NRG3: variants seen among roughly 807,000 people sequenced by gnomAD.
The protein encoded by NRG3 is neuregulin 3, also known as pro-neuregulin-3, membrane-bound isoform.
Under a neutral mutation model 66.9 loss-of-function variants are expected in NRG3, and 31 were observed. The ratio of observed to expected loss-of-function variants is 0.46; its 90% CI spans 0.35 to 0.63. The LOEUF is 0.63. Among genes scored for constraint, NRG3 ranks in the 20% least tolerant of loss-of-function variants. The pLI is 0.00. For synonymous variants in NRG3, 393 were observed against 359.4 expected, an observed-to-expected ratio of 1.09 and a Z score of -1.06; for missense variants, 910 against 878.9, an observed-to-expected ratio of 1.04 and a Z score of -0.45.
At chr10:82,200,876 A>G (rs967722537) in intron 1 of NRG3, among the ~76,000 whole-genome samples, 1 of 151,860 alleles carries the variant, frequency 6.6e-6, no homozygotes, top group Non-Finnish European at 1.5e-5. Flanking sequence ...ACACTCAGCT[A>G]CTCCAAGTTC....
chr10:81,883,068 C>T (rs894609157), intron 1 of NRG3, among the ~76,000 whole-genome samples: 28 of 152,222 alleles, frequency 1.8e-4, no homozygotes, highest in African/African-American at 6.7e-4. Flanking sequence ...CCCTTTTGTG[C>T]CATCCCTACA....
At chr10:82,603,003 G>A (rs1038154059) in intron 2 of NRG3, among the ~76,000 whole-genome samples, 3 of 152,156 alleles carry the variant, frequency 2.0e-5, no homozygotes, top group Admixed American at 6.6e-5. Flanking sequence ...AGAAGTAGAA[G>A]GGCAGTCAGT....
At chr10:81,936,423 G>A (rs1222756481) in intron 1 of NRG3, among the ~76,000 whole-genome samples, 1 of 152,058 alleles carries the variant, frequency 6.6e-6, no homozygotes, top group Non-Finnish European at 1.5e-5. Flanking sequence ...GTCTCTGTAG[G>A]TTACTAAGCA....
intron 2 of NRG3, among the ~76,000 whole-genome samples, chr10:82,724,155 A>C (rs1180562244): frequency 2.6e-5 from 4 of 151,748 alleles, no homozygotes; most frequent in Non-Finnish European, 5.9e-5. Flanking sequence ...CCCCCAACAA[A>C]TTTTCAAACT....
intron 1 of NRG3, among the ~76,000 whole-genome samples, chr10:81,988,636 G>C (rs968226033): frequency 1.3e-5 from 2 of 152,114 alleles, no homozygotes; most frequent in East Asian, 3.9e-4. Flanking sequence ...GTTGCACAGT[G>C]TTATAATGGG....
At chr10:82,935,948 C>T (rs961210580) in intron 4 of NRG3, among the ~76,000 whole-genome samples, 1 of 151,412 alleles carries the variant, frequency 6.6e-6, no homozygotes, top group African/African-American at 2.4e-5. Flanking sequence ...AAAATAGATA[C>T]AACTAGCTTT....
At chr10:82,699,816 C>T (rs1479507596) in intron 2 of NRG3, among the ~76,000 whole-genome samples, 2 of 151,916 alleles carry the variant, frequency 1.3e-5, no homozygotes, top group Non-Finnish European at 2.9e-5. Context: ...CACAAATAAA[C>T]ATTTTCTGAT....
At chr10:82,763,627 C>G (rs932820101) in intron 3 of NRG3, among the ~76,000 whole-genome samples, 11 of 151,676 alleles carry the variant, frequency 7.3e-5, no homozygotes, top group African/African-American at 2.7e-4. Context: ...TTGGAAACCC[C>G]AAGATAAATG....
chr10:82,272,789 T>G (rs1015041587), intron 1 of NRG3, among the ~76,000 whole-genome samples: 5 of 152,204 alleles, frequency 3.3e-5, no homozygotes, highest in Non-Finnish European at 5.9e-5. Flanking sequence ...CTCTTTGTAT[T>G]TCTGTCTTTT....
chr10:82,272,660 C>T (rs1247993008), intron 1 of NRG3, among the ~76,000 whole-genome samples: 1 of 151,934 alleles, frequency 6.6e-6, no homozygotes, highest in African/African-American at 2.4e-5. Flanking sequence ...CTTTTGAGTT[C>T]GTTTTTAATA....
intron 1 of NRG3, chr10:81,889,378 G>C (rs945310906): frequency 6.6e-6 from 1 of 152,220 alleles, no homozygotes; most frequent in African/African-American, 2.4e-5. Context: ...TATGCTGGGA[G>C]TCTGTATAAG....
chr10:82,401,386 CATT>C (rs1309900526), intron 2 of NRG3, among the ~76,000 whole-genome samples: 7 of 131,378 alleles, frequency 5.3e-5, no homozygotes, highest in Middle Eastern at 3.7e-3. Flanking sequence ...TTCACACACA[CATT>C]ATATATAGAC....
intron 2 of NRG3, among the ~76,000 whole-genome samples, chr10:82,385,617 A>C (rs998794255): frequency 6.6e-6 from 1 of 152,170 alleles, no homozygotes; most frequent in African/African-American, 2.4e-5. Flanking sequence ...ACAAGGAATA[A>C]GGAGGGCAAT....
At chr10:82,069,442 A>C (rs547225675) in intron 1 of NRG3, among the ~76,000 whole-genome samples, 1 of 152,290 alleles carries the variant, frequency 6.6e-6, no homozygotes, top group South Asian at 2.1e-4. Context: ...ACATGAGCGT[A>C]TTTAACTTTC....
intron 1 of NRG3, among the ~76,000 whole-genome samples, chr10:82,315,771 T>G (rs765401882): frequency 2.7e-5 from 4 of 150,302 alleles, no homozygotes; most frequent in Non-Finnish European, 5.9e-5. Context: ...GTTCAAGCAA[T>G]TCTCCTGCCT....
intron 1 of NRG3, 44 bp from the exon 2 acceptor site, chr10:82,358,695 G>T (rs2083930961): frequency 6.2e-7 from 1 of 1,611,776 alleles, no homozygotes; most frequent in South Asian, 1.1e-5. Context: ...GTTGGTGTCA[G>T]AATGTACTGC....
At chr10:81,974,411 G>A (rs990190652) in intron 1 of NRG3, among the ~76,000 whole-genome samples, 3 of 152,136 alleles carry the variant, frequency 2.0e-5, no homozygotes, top group African/African-American at 7.2e-5. Flanking sequence ...CTGTGGCATA[G>A]TAAGCCAATC....
chr10:82,603,620 AGC>A (rs2047771868), intron 2 of NRG3, among the ~76,000 whole-genome samples: 1 of 152,166 alleles, frequency 6.6e-6, no homozygotes, highest in Admixed American at 6.6e-5. Flanking sequence ...TTGGTGTGCA[AGC>A]GTAAGCTTAA....
intron 1 of NRG3, among the ~76,000 whole-genome samples, chr10:82,214,554 A>C (rs1383198237): frequency 6.6e-6 from 1 of 152,116 alleles, no homozygotes; most frequent in Non-Finnish European, 1.5e-5. Flanking sequence ...AGTCTCAAAC[A>C]CCTGGGCCCA....
Sources: gnomAD v4.1 joint callset for allele counts (sites outside exome capture counted in the v4.1 genomes callset) on GRCh38, gnomAD v4.1.1 for gene constraint, MANE v1.5 for transcripts, NCBI Gene and HGNC (gene_info 2026-07-23, HGNC 2026-07-21) for gene names.